DISC1: variants seen among roughly 807,000 people sequenced by gnomAD.
DISC1 encodes disrupted in schizophrenia 1 protein.
A neutral mutation model predicts 84.5 loss-of-function variants in DISC1; 57 were observed. The observed-to-expected ratio is 0.67, with a 90% CI of 0.55 to 0.84. The LOEUF is 0.84. Ranked by LOEUF, DISC1 falls within the 40% of genes least tolerant of loss-of-function variation. The pLI, the probability that DISC1 is intolerant of heterozygous loss-of-function variation, is 0.00. For synonymous variants in DISC1, 411 were observed against 415.2 expected, an observed-to-expected ratio of 0.99 and a Z score of 0.12; for missense variants, 1,000 against 1,057.8, an observed-to-expected ratio of 0.95 and a Z score of 0.76.
intron 8 of DISC1, among the ~76,000 whole-genome samples, chr1:231,806,460 T>C (rs900497377): frequency 3.3e-5 from 5 of 152,206 alleles, no homozygotes; most frequent in Non-Finnish European, 7.3e-5. Flanking sequence ...GGAGACCTGC[T>C]GGCTTCTCTC....
chr1:231,754,877 A>C lies in DISC1; in HGVS notation c.1268+4801A>C, dbSNP rs138041048. On this transcript the variant is annotated intron_variant, in intron 4 of 12. Coordinates refer to ENST00000439617, the MANE Select transcript of DISC1 (RefSeq NM_018662.3). ...TAACTGTTGGCTTACTTTATGAGCTATCATCCTCTTTCCTTTTCCTTACAG... is the reference window on the plus strand; with the variant it reads ...TAACTGTTGGCTTACTTTATGAGCTCTCATCCTCTTTCCTTTTCCTTACAG... Among the ~76,000 whole-genome samples the C allele has an allele frequency of 1.1e-4, 17 of 151,564 alleles. No homozygotes were observed. The East Asian group carries it at 3.1e-3, about 28-fold the overall frequency.
chr1:231,783,744 C>A (rs903891754), intron 6 of DISC1, among the ~76,000 whole-genome samples: 4 of 152,138 alleles, frequency 2.6e-5, no homozygotes, highest in African/African-American at 9.7e-5. Flanking sequence ...TGTGTGCTAC[C>A]TTACTCATAT....
In DISC1 at chr1:231,750,092, T is replaced by A. The variant is rs202025366; in HGVS notation, c.1268+16T>A. On this transcript the variant is annotated intron_variant, in intron 4 of 12. Transcript: ENST00000439617. ...CCACTCAGCAGTGAGTACTTGTTAT[T>A]GTCACCATTTTCCCCTCATGTTTCT... is the stretch of plus-strand genomic sequence containing the variant. 3.1e-6 allele frequency: 5 copies of A among 1,608,120 alleles called. No individual in the cohort carries two copies. The East Asian group carries it at 1.1e-4, about 36-fold the overall frequency.
intron 1 of DISC1, 34 bp downstream of exon 1, chr1:231,626,968 TG>T (rs962814454): frequency 2.5e-5 from 36 of 1,433,168 alleles, no homozygotes; most frequent in Middle Eastern, 1.8e-4. Context: ...TAGCACGTCC[TG>T]GGGGGGTCCT....
chr1:231,718,896 A>G (rs1339733056), intron 3 of DISC1, among the ~76,000 whole-genome samples: 4 of 152,166 alleles, frequency 2.6e-5, no homozygotes, highest in African/African-American at 9.7e-5. Context: ...CTAGCTTTTT[A>G]GAAGGCTGAG....
chr1:231,974,785 C>G (rs1662543422), intron 10 of DISC1, among the ~76,000 whole-genome samples: 1 of 152,152 alleles, frequency 6.6e-6, no homozygotes. Flanking sequence ...TCAAGAAATT[C>G]AAAATCCTAT....
chr1:231,628,522 G>T (rs571600911), intron 1 of DISC1, among the ~76,000 whole-genome samples: 1 of 152,294 alleles, frequency 6.6e-6, no homozygotes, highest in African/African-American at 2.4e-5. Context: ...AATCCTCCCT[G>T]CATCTTTATG....
intron 3 of DISC1, among the ~76,000 whole-genome samples, chr1:231,737,892 C>T (rs892890455): frequency 6.6e-6 from 1 of 152,156 alleles, no homozygotes; most frequent in African/African-American, 2.4e-5. Context: ...AGGGCTTGCT[C>T]TGTTGCCCCG....
chr1:231,677,675 C>T (rs542689139), intron 1 of DISC1, among the ~76,000 whole-genome samples: 4 of 152,276 alleles, frequency 2.6e-5, no homozygotes, highest in Non-Finnish European at 5.9e-5. Context: ...GGGAACTGAC[C>T]GAATTAAAAT....
chr1:232,033,030 A>G (rs1670195829), intron 12 of DISC1, among the ~76,000 whole-genome samples: 1 of 152,154 alleles, frequency 6.6e-6, no homozygotes, highest in Non-Finnish European at 1.5e-5. Context: ...TTATGGTTCA[A>G]TATGAATGCC....
At chr1:231,751,128 G>A (rs142438158) in intron 4 of DISC1, among the ~76,000 whole-genome samples, 54 of 152,206 alleles carry the variant, frequency 3.5e-4, no homozygotes, top group African/African-American at 1.2e-3. Context: ...ATTTCACCTC[G>A]CCATTTTCAT....
chr1:231,644,094 G>A (rs1572436740), intron 1 of DISC1, among the ~76,000 whole-genome samples: 3 of 152,182 alleles, frequency 2.0e-5, no homozygotes, highest in African/African-American at 7.2e-5. Context: ...AGGGCACATG[G>A]CATGCTTTAT....
intron 9 of DISC1, among the ~76,000 whole-genome samples, chr1:231,951,620 A>G (rs1488205765): frequency 6.6e-6 from 1 of 152,132 alleles, no homozygotes; most frequent in Non-Finnish European, 1.5e-5. Flanking sequence ...TGCTGCTTTT[A>G]TCATTGAATC....
chr1:231,798,195 T>C (rs1275546229), intron 7 of DISC1, among the ~76,000 whole-genome samples: 6 of 151,498 alleles, frequency 4.0e-5, no homozygotes, highest in Non-Finnish European at 7.4e-5. Flanking sequence ...AATGAAACCT[T>C]CCTTGCACTC....
chr1:231,803,024 T>C (rs2079400033), intron 8 of DISC1, among the ~76,000 whole-genome samples: 1 of 152,192 alleles, frequency 6.6e-6, no homozygotes, highest in South Asian at 2.1e-4. Context: ...TAATAAAAAA[T>C]AAGTCACTTT....
intron 8 of DISC1, among the ~76,000 whole-genome samples, chr1:231,803,687 G>A (rs4356035): frequency 0.72 from 109,322 of 151,880 alleles, 39,724 homozygotes; most frequent in Admixed American, 0.77. Flanking sequence ...GGTGGCTCAC[G>A]CCTATAATCC....
Position 231,818,368 on chromosome 1 carries a change from T to A in DISC1, c.1832T>A (p.Ile611Asn). 1 of 1,614,010 alleles carries A rather than the reference T, an allele frequency of 6.2e-7. No individual in the cohort carries two copies. The highest frequency in any genetic ancestry group is 8.5e-7 in the Non-Finnish European group (1 of 1,179,942). ...FWTAKDLTEE[I>N]RSLTSEREGL... ...ACGGCTAAAGACCTCACCGAGGAGATTAGATCATTAACATCAGAGAGAGAA... is the reference window on the plus strand; with the variant it reads ...ACGGCTAAAGACCTCACCGAGGAGAATAGATCATTAACATCAGAGAGAGAA... Residue 611 changes from isoleucine to asparagine, a missense_variant, in exon 9 of 13, where the codon ATT becomes AAT. Physicochemically the swap from Ile to Asn is moderately radical, Grantham distance 149 (BLOSUM62 -3). Transcript: ENST00000439617.
chr1:231,864,188 A>G (rs2084883924), intron 9 of DISC1, among the ~76,000 whole-genome samples: 1 of 152,148 alleles, frequency 6.6e-6, no homozygotes, highest in Admixed American at 6.5e-5. Flanking sequence ...CATTATTCTC[A>G]TTTCTGAGGG....
At chr1:232,011,664 G>T (rs1213440195) in intron 11 of DISC1, among the ~76,000 whole-genome samples, 2 of 152,180 alleles carry the variant, frequency 1.3e-5, no homozygotes, top group African/African-American at 4.8e-5. Flanking sequence ...GCGGTTGATA[G>T]AAGTATTCTC....
Sources: allele counts gnomAD v4.1 joint callset (sites outside exome capture counted in the v4.1 genomes callset), GRCh38; gene constraint gnomAD v4.1.1; transcripts MANE v1.5; gene names NCBI Gene and HGNC (gene_info 2026-07-23, HGNC 2026-07-21).